The following ZNF362 variants were observed in gnomAD, a reference collection of about 807,000 sequenced individuals.
ZNF362 encodes the protein zinc finger protein 362.
ZNF362 carries 11 observed loss-of-function variants against 42.9 expected under a neutral mutation model. The ratio of observed to expected loss-of-function variants is 0.26; its 90% CI spans 0.16 to 0.42. ZNF362 has a LOEUF of 0.42. Ranked by LOEUF, ZNF362 falls within the 20% of genes least tolerant of loss-of-function variation. The probability of loss-of-function intolerance (pLI) is 1.00; values close to 1 mark genes in which losing one functional copy is unlikely to be tolerated. For synonymous variants in ZNF362, 255 were observed against 257.3 expected, an observed-to-expected ratio of 0.99 and a Z score of 0.09; for missense variants, 362 against 576.2, an observed-to-expected ratio of 0.63 and a Z score of 3.81.
the ZNF362 span, among the ~76,000 whole-genome samples, chr1:33,189,663 A>ACACG: frequency 2.4e-4 from 6 of 25,412 alleles, no homozygotes; most frequent in African/African-American, 5.2e-4. Flanking sequence ...ATATATATAT[A>ACACG]TATATATATG....
At chr1:33,209,438 A>G in the ZNF362 span, among the ~76,000 whole-genome samples, 1 of 152,218 alleles carries the variant, frequency 6.6e-6, no homozygotes, top group Non-Finnish European at 1.5e-5. Context: ...CTGGCCTCAT[A>G]AAATGAGTTA....
At chr1:33,172,584 G>A in the ZNF362 span, among the ~76,000 whole-genome samples, 2 of 152,104 alleles carry the variant, frequency 1.3e-5, no homozygotes, top group Non-Finnish European at 2.9e-5. Context: ...GAGTGGGGAG[G>A]ACACACCTCA....
chr1:33,209,781 A>G, the ZNF362 span, among the ~76,000 whole-genome samples: 2 of 152,020 alleles, frequency 1.3e-5, no homozygotes, highest in African/African-American at 2.4e-5. Flanking sequence ...CCCCTTTATC[A>G]TTTTTTATTG....
At chr1:33,241,875 C>T in the ZNF362 span, among the ~76,000 whole-genome samples, 2 of 152,228 alleles carry the variant, frequency 1.3e-5, no homozygotes, top group South Asian at 4.1e-4. Context: ...CATGCCTGGC[C>T]CTGAAATTAT....
the ZNF362 span, among the ~76,000 whole-genome samples, chr1:33,210,727 A>G: frequency 6.6e-6 from 1 of 151,988 alleles, no homozygotes; most frequent in Admixed American, 6.6e-5. Context: ...AGTCTGTTTT[A>G]TCAGAGACCC....
the ZNF362 span, among the ~76,000 whole-genome samples, chr1:33,242,056 A>G: frequency 2.8e-3 from 429 of 152,264 alleles, 1 homozygote; most frequent in African/African-American, 9.7e-3. Context: ...AAGAAGAACA[A>G]ATTCCGGGAA....
chr1:33,175,501 T>C, the ZNF362 span, among the ~76,000 whole-genome samples: 1 of 152,190 alleles, frequency 6.6e-6, no homozygotes, highest in Non-Finnish European at 1.5e-5. Flanking sequence ...GGTCTAACCC[T>C]GGGCAAGGCA....
At chr1:33,264,586 A>G (rs896959387) in intron 1 of ZNF362, among the ~76,000 whole-genome samples, 8 of 152,200 alleles carry the variant, frequency 5.3e-5, no homozygotes, top group Non-Finnish European at 1.0e-4. Context: ...AGCTGGGGCT[A>G]TCTGCCTCCA....
chr1:33,172,045 G>A, the ZNF362 span, among the ~76,000 whole-genome samples: 12 of 152,194 alleles, frequency 7.9e-5, no homozygotes, highest in Non-Finnish European at 1.2e-4. Flanking sequence ...GCCTCCCAAA[G>A]TGCTGTGATT....
the ZNF362 span, among the ~76,000 whole-genome samples, chr1:33,188,059 C>A: frequency 2.0e-5 from 3 of 152,224 alleles, no homozygotes; most frequent in East Asian, 5.8e-4. Context: ...CATGGTGAAA[C>A]CCCGTCTCTA....
intron 6 of ZNF362, among the ~76,000 whole-genome samples, chr1:33,282,243 G>A (rs1427635931): frequency 6.6e-6 from 1 of 152,130 alleles, no homozygotes; most frequent in Admixed American, 6.5e-5. Context: ...TCAATCTACT[G>A]GGAGTTCTTG....
At chr1:33,175,141 C>T in the ZNF362 span, among the ~76,000 whole-genome samples, 111 of 151,586 alleles carry the variant, frequency 7.3e-4, no homozygotes, top group East Asian at 0.019. Context: ...CCGGTTCAAG[C>T]GATTCTCGTG....
the ZNF362 span, among the ~76,000 whole-genome samples, chr1:33,222,933 C>T: frequency 6.6e-6 from 1 of 152,058 alleles, no homozygotes; most frequent in South Asian, 2.1e-4. Flanking sequence ...GTGAATAAGT[C>T]TCATGAGATC....
At chr1:33,193,639 A>T in the ZNF362 span, among the ~76,000 whole-genome samples, 1 of 152,178 alleles carries the variant, frequency 6.6e-6, no homozygotes, top group South Asian at 2.1e-4. Flanking sequence ...CAAAATGGGG[A>T]GAATCAAGAT....
chr1:33,174,960 TATATATATACACAC>T, the ZNF362 span, among the ~76,000 whole-genome samples: 4 of 140,292 alleles, frequency 2.9e-5, no homozygotes, highest in African/African-American at 1.2e-4. Flanking sequence ...TATATATATA[TATATATATACACAC>T]ATATACATAT....
At chr1:33,234,250 A>G in the ZNF362 span, among the ~76,000 whole-genome samples, 1 of 152,074 alleles carries the variant, frequency 6.6e-6, no homozygotes, top group Non-Finnish European at 1.5e-5. Flanking sequence ...ACCTCCCTCT[A>G]TCTCCATTTC....
intron 6 of ZNF362, among the ~76,000 whole-genome samples, chr1:33,293,558 G>A (rs970124562): frequency 1.3e-5 from 2 of 152,180 alleles, no homozygotes; most frequent in African/African-American, 4.8e-5. Flanking sequence ...GTCAGTGAGA[G>A]GGGCTGGGGC....
upstream of ZNF362, among the ~76,000 whole-genome samples, chr1:33,255,570 G>C (rs1163990135): frequency 6.6e-6 from 1 of 152,156 alleles, no homozygotes; most frequent in African/African-American, 2.4e-5. Context: ...TGATTGGCTG[G>C]GGAGGGTGAG....
At chr1:33,136,348 T>C in the ZNF362 span, among the ~76,000 whole-genome samples, 1 of 150,548 alleles carries the variant, frequency 6.6e-6, no homozygotes. Flanking sequence ...CCTTCCTTCT[T>C]TCTCTCTCTC....
Sources: gnomAD v4.1 joint callset for allele counts (sites outside exome capture counted in the v4.1 genomes callset) on GRCh38, gnomAD v4.1.1 for gene constraint, MANE v1.5 for transcripts, NCBI Gene and HGNC (gene_info 2026-07-23, HGNC 2026-07-21) for gene names.